Variants in LUZP2 observed in about 807,000 individuals in gnomAD.
LUZP2 encodes the protein leucine zipper protein 2.
Under a neutral mutation model 51.6 loss-of-function variants are expected in LUZP2, and 52 were observed. The observed-to-expected ratio is 1.01, with a 90% CI of 0.81 to 1.27. LUZP2 has a LOEUF of 1.27. Among genes scored for constraint, LUZP2 ranks in the 50% most tolerant of loss-of-function variants. The pLI, the probability that LUZP2 is intolerant of heterozygous loss-of-function variation, is 0.00. For synonymous variants in LUZP2, 154 were observed against 137.3 expected (o/e 1.12, Z -0.85); for missense variants, 436 against 395.4 (o/e 1.10, Z -0.87).
At chr11:24,549,961 A>T (rs1851676663) in intron 1 of LUZP2, among the ~76,000 whole-genome samples, 1 of 152,072 alleles carries the variant, frequency 6.6e-6, no homozygotes, top group Non-Finnish European at 1.5e-5. Flanking sequence ...CTAGGCTAGA[A>T]AAAGACTTGT....
intron 1 of LUZP2, among the ~76,000 whole-genome samples, chr11:24,521,130 C>T (rs1401651166): frequency 6.6e-6 from 1 of 152,098 alleles, no homozygotes; most frequent in East Asian, 1.9e-4. Flanking sequence ...GTGTGCGGAT[C>T]ACCTGAGGTC....
intron 1 of LUZP2, among the ~76,000 whole-genome samples, chr11:24,595,505 C>T (rs1853412141): frequency 6.6e-6 from 1 of 152,166 alleles, no homozygotes; most frequent in Admixed American, 6.5e-5. Flanking sequence ...AGTCCAGGTT[C>T]TGCTGGATGG....
At chr11:24,896,944 C>T (rs745338796) in intron 5 of LUZP2, among the ~76,000 whole-genome samples, 1 of 152,116 alleles carries the variant, frequency 6.6e-6, no homozygotes, top group Non-Finnish European at 1.5e-5. Context: ...CACCAATCAG[C>T]ACTCTGTGTC....
intron 5 of LUZP2, among the ~76,000 whole-genome samples, chr11:24,899,083 A>G (rs1853185394): frequency 6.6e-6 from 1 of 152,154 alleles, no homozygotes; most frequent in Non-Finnish European, 1.5e-5. Flanking sequence ...AAACTATCAA[A>G]TTTTCATACG....
rs115408756 is a variant in LUZP2, at chr11:24,934,206, G to T, written c.522+19668G>T. Among the ~76,000 whole-genome samples, 552 of 152,278 alleles carry T rather than the reference G, an allele frequency of 3.6e-3. 3 individuals carry two copies. The highest frequency in any genetic ancestry group is 0.012 in the African/African-American group (514 of 41,554). ...CTTTTCTGGATCTTCATTTGCTTCA[G>T]GCCATCTGGATATATACACATGCAG... On this transcript the variant is annotated intron_variant, in intron 7 of 11. Transcript: ENST00000336930.
intron 9 of LUZP2, among the ~76,000 whole-genome samples, chr11:25,024,348 A>T (rs1472374319): frequency 6.6e-6 from 1 of 151,442 alleles, no homozygotes; most frequent in Non-Finnish European, 1.5e-5. Context: ...GAAATGAGGA[A>T]GTCAAATTGT....
Position 25,013,971 on chromosome 11 carries a change from T to C in LUZP2, c.765+30678T>C, listed in dbSNP as rs1194317266. On this transcript the variant is annotated intron_variant, in intron 9 of 11. Coordinates refer to ENST00000336930, the MANE Select transcript of LUZP2 (RefSeq NM_001009909.4). ...GTGTCCATGTGTTCTCATTGTTCAA[T>C]TCCCACCTATGAGTGAGAACATGTG... is the stretch of plus-strand genomic sequence containing the variant. Among the ~76,000 whole-genome samples the C allele has an allele frequency of 2.6e-5, 4 of 152,088 alleles. No homozygotes were observed. The East Asian group carries it at 7.8e-4, about 30-fold the overall frequency.
At chr11:24,857,638 C>T (rs1157743427) in intron 5 of LUZP2, among the ~76,000 whole-genome samples, 7 of 151,124 alleles carry the variant, frequency 4.6e-5, no homozygotes, top group African/African-American at 2.4e-5. Flanking sequence ...TAGAGTAGTA[C>T]CTGGTACAGT....
intron 10 of LUZP2, among the ~76,000 whole-genome samples, chr11:25,075,217 C>A (rs74824286): frequency 0.011 from 1,624 of 152,078 alleles, 39 homozygotes; most frequent in African/African-American, 0.037. Context: ...TAAAGGAATA[C>A]ATAGTATTAA....
chr11:24,736,641 G>A (rs2133980441), intron 3 of LUZP2, among the ~76,000 whole-genome samples: 1 of 151,880 alleles, frequency 6.6e-6, no homozygotes, highest in Middle Eastern at 3.4e-3. Flanking sequence ...GTTTGGTGTG[G>A]GGTTTACAAA....
At chr11:25,002,944 G>A (rs372545001) in intron 9 of LUZP2, among the ~76,000 whole-genome samples, 1 of 152,134 alleles carries the variant, frequency 6.6e-6, no homozygotes, top group Non-Finnish European at 1.5e-5. Context: ...GTCAGCAAAA[G>A]CCAGTGATTC....
At chr11:24,787,445 A>C (rs1849281318) in intron 5 of LUZP2, among the ~76,000 whole-genome samples, 1 of 152,200 alleles carries the variant, frequency 6.6e-6, no homozygotes, top group African/African-American at 2.4e-5. Flanking sequence ...AATGTTAGCT[A>C]TAATGACGAT....
chr11:24,658,598 T>C (rs1855902356), intron 1 of LUZP2, among the ~76,000 whole-genome samples: 1 of 152,100 alleles, frequency 6.6e-6, no homozygotes, highest in Admixed American at 6.6e-5. Flanking sequence ...ATAAAGAGCT[T>C]CTGCACAGCA....
intron 9 of LUZP2, among the ~76,000 whole-genome samples, chr11:25,046,226 C>A (rs867796975): frequency 3.5e-4 from 50 of 144,528 alleles, no homozygotes; most frequent in South Asian, 6.5e-4. Context: ...AGTAATCCTC[C>A]AAAAAAAAAA....
At chr11:24,752,085 A>G (rs1432559416) in intron 4 of LUZP2, among the ~76,000 whole-genome samples, 1 of 152,168 alleles carries the variant, frequency 6.6e-6, no homozygotes, top group South Asian at 2.1e-4. Context: ...AATATAAAAT[A>G]TGCATTAAAA....
At chr11:24,694,480 A>G (rs1857179485) in intron 1 of LUZP2, among the ~76,000 whole-genome samples, 1 of 152,144 alleles carries the variant, frequency 6.6e-6, no homozygotes. Flanking sequence ...AAATACTTAT[A>G]GAATTAATAG....
At chr11:24,934,035 A>G (rs1423640155) in intron 7 of LUZP2, among the ~76,000 whole-genome samples, 2 of 152,210 alleles carry the variant, frequency 1.3e-5, no homozygotes, top group African/African-American at 4.8e-5. Context: ...TACATTCTCA[A>G]GGGTAGGGGA....
At chr11:24,860,561 C>T (rs145825302) in intron 5 of LUZP2, among the ~76,000 whole-genome samples, 4 of 152,260 alleles carry the variant, frequency 2.6e-5, no homozygotes, top group African/African-American at 9.6e-5. Flanking sequence ...GATGGTGCCT[C>T]AAGATCAGAG....
intron 1 of LUZP2, among the ~76,000 whole-genome samples, chr11:24,661,057 A>G (rs986702467): frequency 1.4e-4 from 21 of 152,174 alleles, no homozygotes; most frequent in Admixed American, 8.5e-4. Flanking sequence ...ATCGTTATGA[A>G]AGAAGTATAT....
Sources: allele counts gnomAD v4.1 joint callset (sites outside exome capture counted in the v4.1 genomes callset), GRCh38; gene constraint gnomAD v4.1.1; transcripts MANE v1.5; gene names NCBI Gene and HGNC (gene_info 2026-07-23, HGNC 2026-07-21).